Variants in FAM53A observed in about 807,000 individuals in gnomAD.
The protein encoded by FAM53A is protein FAM53A.
Under a neutral mutation model 26.6 loss-of-function variants are expected in FAM53A, and 28 were observed. That is an observed-to-expected ratio of 1.05 (90% confidence interval 0.78 to 1.45). The LOEUF (loss-of-function observed/expected upper bound fraction) is 1.45, where lower values mean the gene tolerates loss of function less well. Among genes scored for constraint, FAM53A ranks in the 40% most tolerant of loss-of-function variants. The pLI is 0.00. For missense variants in FAM53A, 650 were observed against 575.8 expected (o/e 1.13, Z -1.32); for synonymous variants, 290 against 253.1 (o/e 1.15, Z -1.38).
intron 1 of FAM53A, among the ~76,000 whole-genome samples, chr4:1,619,501 T>C (rs554291405): frequency 1.2e-4 from 18 of 152,318 alleles, no homozygotes; most frequent in East Asian, 1.2e-3. Flanking sequence ...CCCAGACTCA[T>C]GCACCTGTGG....
the FAM53A span, among the ~76,000 whole-genome samples, chr4:1,577,704 T>C: frequency 1.3e-5 from 2 of 152,350 alleles, no homozygotes; most frequent in East Asian, 1.9e-4. Context: ...GTTATAATTA[T>C]GCGCGGCGCT....
Position 1,655,033 on chromosome 4 carries a change from C to G in FAM53A, c.827G>C (p.Arg276Pro), listed in dbSNP as rs116661726. The change falls in exon 4 of 5, where the codon CGT (arginine) becomes CCT (proline). Residue 276 changes from arginine to proline, a missense_variant. By Grantham distance (103) the Arg-to-Pro change is moderately radical (BLOSUM62 -2). Coordinates refer to ENST00000308132, the MANE Select transcript of FAM53A (RefSeq NM_001174070.3). ...GCGTGTCCACCTGGCGTCCTCCTCA[C>G]GCCTCCGTTTGCGCCGGCTCCTCTT... ...SGKRSRRKRR[R>P]EEDARWTRPS... 1 of 1,577,230 alleles carries G rather than the reference C, an allele frequency of 6.3e-7. No homozygotes were observed. The highest frequency in any genetic ancestry group is 1.8e-5 in the Admixed American group (1 of 54,970).
At chr4:1,574,650 C>G in the FAM53A span, 3 of 152,580 alleles carry the variant, frequency 2.0e-5, no homozygotes, top group Admixed American at 6.5e-5. Flanking sequence ...TTCAAGGGAC[C>G]CCCAGCCCCA....
intron 4 of FAM53A, among the ~76,000 whole-genome samples, chr4:1,652,375 A>AC (rs1712920584): frequency 7.6e-6 from 1 of 130,766 alleles, no homozygotes; most frequent in African/African-American, 2.9e-5. Context: ...CAACACACAC[A>AC]ACACACATCA....
intron 4 of FAM53A, among the ~76,000 whole-genome samples, chr4:1,654,198 G>C (rs938743178): frequency 3.3e-5 from 5 of 152,168 alleles, no homozygotes; most frequent in Non-Finnish European, 7.4e-5. Flanking sequence ...AAGCTTCCCC[G>C]ACACAGATGA....
the FAM53A span, among the ~76,000 whole-genome samples, chr4:1,577,621 T>G: frequency 6.6e-6 from 1 of 152,206 alleles, no homozygotes; most frequent in Non-Finnish European, 1.5e-5. Flanking sequence ...CCCGGCTGCC[T>G]GTTGTGCGCC....
At chr4:1,675,151 C>A (rs1000406185) in intron 1 of FAM53A, among the ~76,000 whole-genome samples, 1 of 152,202 alleles carries the variant, frequency 6.6e-6, no homozygotes, top group Non-Finnish European at 1.5e-5. Context: ...AAGGCCAGGA[C>A]AAGTGGGAAG....
chr4:1,661,674 G>A (rs115632618), intron 2 of FAM53A, among the ~76,000 whole-genome samples: 17 of 140,884 alleles, frequency 1.2e-4, no homozygotes, highest in African/African-American at 3.7e-4. Context: ...CCAGCACTCA[G>A]CCACCATTAC....
chr4:1,665,087 G>C (rs987171269), intron 2 of FAM53A, among the ~76,000 whole-genome samples: 4 of 150,844 alleles, frequency 2.7e-5, no homozygotes, highest in South Asian at 2.1e-4. Flanking sequence ...GGCTGAGGTG[G>C]GTGGATCACT....
Position 1,668,871 on chromosome 4 carries a change from G to A in FAM53A, c.-130C>T. 1.3e-6 allele frequency: 1 copy of A among 757,112 alleles called. No individual in the cohort carries two copies. Among genetic ancestry groups the A allele is most frequent in the Non-Finnish European group, 2.2e-6 (1 of 448,842 alleles). 46.9% of individuals were successfully genotyped at this position (757,112 alleles called of 1,614,324 possible). On this transcript the variant is annotated 5_prime_UTR_variant, in exon 2 of 5. Transcript: ENST00000308132. ...ATGTCTCCACTTTCTTTACAGATGA[G>A]CAGTCCACGCCCACGGGCTCTTCAG...
chr4:1,662,481 A>C (rs1171611616), intron 2 of FAM53A, among the ~76,000 whole-genome samples: 2 of 18,346 alleles, frequency 1.1e-4, no homozygotes, highest in Non-Finnish European at 2.8e-4. Flanking sequence ...TTCCATCACA[A>C]AAAAAAAAAA....
chr4:1,644,339 G>A (rs1712041998), intron 4 of FAM53A: 2 of 1,535,756 alleles, frequency 1.3e-6, no homozygotes, highest in Admixed American at 2.0e-5. Flanking sequence ...GCACAGCTGT[G>A]CGGCTAGAGC....
chr4:1,592,223 C>T, the FAM53A span, among the ~76,000 whole-genome samples: 3 of 152,104 alleles, frequency 2.0e-5, no homozygotes, highest in African/African-American at 7.2e-5. Context: ...AAAAATGCCA[C>T]GTAATAATCT....
At chr4:1,614,077 G>A (rs570686264), downstream of FAM53A, among the ~76,000 whole-genome samples, 456 of 152,332 alleles carry the variant, frequency 3.0e-3, 10 homozygotes, top group Admixed American at 0.027. Context: ...TCAGATGAAT[G>A]CGGCCAGTCA....
At chr4:1,672,784 T>C (rs1306043443) in intron 1 of FAM53A, among the ~76,000 whole-genome samples, 6 of 77,894 alleles carry the variant, frequency 7.7e-5, no homozygotes, top group Non-Finnish European at 1.3e-4. Context: ...TTTTTTTTTT[T>C]TTTGAGGCAG....
intron 2 of FAM53A, 89 bp downstream of exon 2, chr4:1,668,578 A>G: frequency 6.7e-7 from 1 of 1,485,786 alleles, no homozygotes; most frequent in Non-Finnish European, 9.3e-7. Flanking sequence ...CTGAGAACTT[A>G]GCCCTCACCT....
intron 4 of FAM53A, 58 bp from the exon 5 acceptor site, chr4:1,641,665 A>G (rs1711736137): frequency 6.3e-7 from 1 of 1,580,560 alleles, no homozygotes; most frequent in Admixed American, 1.7e-5. Context: ...AGGAGGCAGC[A>G]TCCCACCAAC....
the FAM53A span, among the ~76,000 whole-genome samples, chr4:1,602,853 A>T: frequency 6.6e-6 from 1 of 151,892 alleles, no homozygotes; most frequent in Non-Finnish European, 1.5e-5. Context: ...CTCCGGCGGG[A>T]GGGGCTGCTT....
At chr4:1,632,347 C>T (rs1178381805) in intron 1 of FAM53A, among the ~76,000 whole-genome samples, 1 of 151,980 alleles carries the variant, frequency 6.6e-6, no homozygotes, top group African/African-American at 2.4e-5. Context: ...AGATAGTGGC[C>T]GCCTTTGAAC....
Sources: allele counts gnomAD v4.1 joint callset (sites outside exome capture counted in the v4.1 genomes callset), GRCh38; gene constraint gnomAD v4.1.1; transcripts MANE v1.5; gene names NCBI Gene and HGNC (gene_info 2026-07-23, HGNC 2026-07-21).